Variants in HS1BP3 observed in about 807,000 individuals in gnomAD.
HS1BP3 encodes HCLS1-binding protein 3.
HS1BP3 carries 32 observed loss-of-function variants against 33.5 expected under a neutral mutation model. The observed-to-expected ratio is 0.95, with a 90% confidence interval of 0.72 to 1.28. The LOEUF (loss-of-function observed/expected upper bound fraction) is 1.28. Ranked by LOEUF, HS1BP3 falls within the 50% of genes most tolerant of loss-of-function variation. The pLI, the probability that HS1BP3 is intolerant of heterozygous loss-of-function variation, is 0.00. For synonymous variants in HS1BP3, 187 were observed against 209.2 expected (o/e 0.89, Z 0.92); for missense variants, 486 against 502.3 (o/e 0.97, Z 0.31).
chr2:20,632,422 G>T (rs1204179740), intron 4 of HS1BP3, among the ~76,000 whole-genome samples: 1 of 152,224 alleles, frequency 6.6e-6, no homozygotes. Context: ...GGTGAGGGCT[G>T]AGAAGTCAGT....
At chr2:20,597,347 T>C (rs1403189175) in intron 3 of HS1BP3, among the ~76,000 whole-genome samples, 2 of 152,182 alleles carry the variant, frequency 1.3e-5, no homozygotes, top group African/African-American at 4.8e-5. Flanking sequence ...AATTTATCAT[T>C]TCAGGCTAAG....
chr2:20,586,915 T>C (rs2149277620), intron 5 of HS1BP3, among the ~76,000 whole-genome samples: 1 of 152,348 alleles, frequency 6.6e-6, no homozygotes, highest in Admixed American at 6.5e-5. Flanking sequence ...AGACTGGCTT[T>C]ATTGGTGTTA....
chr2:20,556,637 T>A (rs1692849124), downstream of HS1BP3, among the ~76,000 whole-genome samples: 1 of 152,336 alleles, frequency 6.6e-6, no homozygotes, highest in Admixed American at 6.5e-5. Context: ...AACTGTATTC[T>A]CAAGTCACTA....
intron 3 of HS1BP3, among the ~76,000 whole-genome samples, chr2:20,593,309 C>T (rs992337406): frequency 4.6e-5 from 7 of 152,216 alleles, no homozygotes; most frequent in Non-Finnish European, 8.8e-5. Flanking sequence ...ATCACCATCA[C>T]ACGTGCCGGC....
chr2:20,644,605 T>A (rs999039705), intron 2 of HS1BP3, among the ~76,000 whole-genome samples: 2 of 152,190 alleles, frequency 1.3e-5, no homozygotes, highest in Non-Finnish European at 2.9e-5. Context: ...CAGTAAACAT[T>A]TTCAACTCTC....
At chr2:20,557,518 G>C (rs899422419), downstream of HS1BP3, among the ~76,000 whole-genome samples, 1 of 152,176 alleles carries the variant, frequency 6.6e-6, no homozygotes, top group South Asian at 2.1e-4. Flanking sequence ...TGACCCTGAT[G>C]AACTCTTTGT....
At chr2:20,591,926 T>C (rs1429412916), downstream of HS1BP3, among the ~76,000 whole-genome samples, 1 of 152,106 alleles carries the variant, frequency 6.6e-6, no homozygotes, top group Non-Finnish European at 1.5e-5. Flanking sequence ...TGGGGGAGGC[T>C]GTAAAATCTG....
chr2:20,624,641 T>C (rs950507270), intron 5 of HS1BP3, 91 bp downstream of exon 5: 6 of 1,201,610 alleles, frequency 5.0e-6, no homozygotes, highest in Non-Finnish European at 7.0e-6. Flanking sequence ...GATATATGGG[T>C]CCTATTCACG....
At chr2:20,616,313 G>T (rs1694424396), downstream of HS1BP3, among the ~76,000 whole-genome samples, 1 of 152,180 alleles carries the variant, frequency 6.6e-6, no homozygotes, top group Admixed American at 6.5e-5. Context: ...GGCCTCTCAG[G>T]CTCCCTGAGA....
intron 4 of HS1BP3, 114 bp downstream of exon 4, chr2:20,638,322 C>T (rs543874391): frequency 1.4e-4 from 149 of 1,041,890 alleles, no homozygotes; most frequent in African/African-American, 2.4e-4. Context: ...CAGATCCCTG[C>T]GAGGGGGCGA....
intron 4 of HS1BP3, among the ~76,000 whole-genome samples, chr2:20,625,418 T>C (rs908611035): frequency 6.6e-6 from 1 of 152,182 alleles, no homozygotes; most frequent in Non-Finnish European, 1.5e-5. Flanking sequence ...GTCTCAGCAC[T>C]TGGGGGCCAG....
chr2:20,650,069 C>T (rs1014365574), intron 1 of HS1BP3, among the ~76,000 whole-genome samples: 1 of 152,198 alleles, frequency 6.6e-6, no homozygotes, highest in East Asian at 1.9e-4. Context: ...CATGAAGATA[C>T]AACTGTAACC....
At chr2:20,560,153 T>C (rs1692954815), downstream of HS1BP3, among the ~76,000 whole-genome samples, 1 of 152,212 alleles carries the variant, frequency 6.6e-6, no homozygotes, top group African/African-American at 2.4e-5. Context: ...CTGGCTCTCA[T>C]GGCTAGCTTT....
At chr2:20,567,783 C>A (rs143174775) in intron 5 of HS1BP3, among the ~76,000 whole-genome samples, 190 of 152,338 alleles carry the variant, frequency 1.2e-3, no homozygotes, top group African/African-American at 4.3e-3. Flanking sequence ...AGTAGCTGAG[C>A]TTCCCTCCTT....
At position 20,624,003 on chromosome 2, in the gene HS1BP3, G is replaced by T. The variant is rs369008161; in HGVS notation, c.813C>A (p.Leu271=). 2 of 1,612,398 alleles carry T rather than the reference G, an allele frequency of 1.2e-6. No homozygotes were observed. Among genetic ancestry groups the T allele is most frequent in the Admixed American group, 3.3e-5 (2 of 59,964 alleles). Residue 271 remains leucine (L), a synonymous_variant, in exon 6 of 7, where the codon CTC becomes CTA. Coordinates refer to ENST00000304031, the MANE Select transcript of HS1BP3 (RefSeq NM_022460.4). Reference sequence around the variant, plus strand: ...AGTCACCCAGGGGGATGGCCCCGCCGAGGTCAGGATCATCAAATAGCTTCA... The same window carrying T: ...AGTCACCCAGGGGGATGGCCCCGCCTAGGTCAGGATCATCAAATAGCTTCA... The part of the protein sequence containing the change: ...DPLKLFDDPD[L]GGAIPLGDSL...
downstream of HS1BP3, among the ~76,000 whole-genome samples, chr2:20,557,650 AGAAAGCTG>A (rs958610996): frequency 7.0e-4 from 106 of 152,296 alleles, 3 homozygotes; most frequent in Middle Eastern, 6.8e-3. Context: ...GGTCCCTCTG[AGAAAGCTG>A]GAAAGACACA....
chr2:20,590,544 C>T (rs1693788094), downstream of HS1BP3, among the ~76,000 whole-genome samples: 1 of 152,226 alleles, frequency 6.6e-6, no homozygotes, highest in African/African-American at 2.4e-5. Flanking sequence ...GCTCTGTCAA[C>T]CTCATTAGGT....
At chr2:20,614,289 A>G (rs1056193237), downstream of HS1BP3, among the ~76,000 whole-genome samples, 17 of 152,360 alleles carry the variant, frequency 1.1e-4, no homozygotes, top group Middle Eastern at 0.01. Context: ...ACTGTGAGAT[A>G]ATACATTCCT....
intron 2 of HS1BP3, among the ~76,000 whole-genome samples, chr2:20,642,029 ACCTAC>A (rs1435363971): frequency 6.6e-6 from 1 of 152,118 alleles, no homozygotes; most frequent in Non-Finnish European, 1.5e-5. Flanking sequence ...TCGGCCTGGC[ACCTAC>A]CCTCACTCCT....
Sources: allele counts gnomAD v4.1 joint callset (sites outside exome capture counted in the v4.1 genomes callset), GRCh38; gene constraint gnomAD v4.1.1; transcripts MANE v1.5; gene names NCBI Gene and HGNC (gene_info 2026-07-23, HGNC 2026-07-21).